The following FTO variants were observed in gnomAD, a reference collection of about 807,000 sequenced individuals.
FTO encodes the protein FTO alpha-ketoglutarate dependent dioxygenase.
In FTO, 47 loss-of-function variants were observed where a neutral mutation model predicts 63.9. The ratio of observed to expected loss-of-function variants is 0.74; its 90% CI spans 0.58 to 0.94. The LOEUF is 0.94. Ranked by LOEUF, FTO falls within the 40% of genes least tolerant of loss-of-function variation. FTO has a pLI of 0.00. For missense variants in FTO, 562 were observed against 618.1 expected (o/e 0.91, Z 0.96); for synonymous variants, 207 against 224.4 (o/e 0.92, Z 0.69).
In FTO at chr16:54,018,399, T is replaced by C. The variant is rs1765432820; in HGVS notation, c.1364+84290T>C. ...GATAGATAGATGATAGATAGATAGATAGATAGATAGATACATACATACATA... is the reference window on the plus strand; with the variant it reads ...GATAGATAGATGATAGATAGATAGACAGATAGATAGATACATACATACATA... On this transcript the variant is annotated intron_variant, in intron 8 of 8. Transcript: ENST00000471389. 3.7e-5 allele frequency among the ~76,000 whole-genome samples: 5 copies of C among 136,462 alleles called. No individual in the cohort carries two copies. In the Admixed American group the frequency reaches 4.0e-4, roughly 11 times the overall value. The allele number at this position is 136,462 out of a possible 152,430, so 89.5% of individuals were successfully genotyped here.
At chr16:54,099,910 T>C (rs1246977819) in intron 8 of FTO, among the ~76,000 whole-genome samples, 2 of 152,176 alleles carry the variant, frequency 1.3e-5, no homozygotes, top group Non-Finnish European at 2.9e-5. Flanking sequence ...GAAATGGAGC[T>C]GAATTGAATG....
chr16:54,092,600 T>C (rs926792953), intron 8 of FTO, among the ~76,000 whole-genome samples: 14 of 152,202 alleles, frequency 9.2e-5, no homozygotes, highest in Non-Finnish European at 1.8e-4. Context: ...ATCCTCACAC[T>C]GTACCCACCA....
chr16:53,767,664 T>C (rs561231386), intron 1 of FTO, among the ~76,000 whole-genome samples: 1 of 152,290 alleles, frequency 6.6e-6, no homozygotes, highest in South Asian at 2.1e-4. Flanking sequence ...TTTAATGTTA[T>C]ATCAAAGAGA....
intron 8 of FTO, among the ~76,000 whole-genome samples, chr16:53,976,132 A>G (rs1283980424): frequency 6.6e-6 from 1 of 152,168 alleles, no homozygotes; most frequent in Non-Finnish European, 1.5e-5. Context: ...AGCTATTCTA[A>G]TCAAATATAT....
chr16:53,867,739 C>A (rs1330295633), intron 4 of FTO, among the ~76,000 whole-genome samples: 1 of 152,114 alleles, frequency 6.6e-6, no homozygotes, highest in African/African-American at 2.4e-5. Flanking sequence ...CTCAGTTCAA[C>A]TATGTCCTTA....
intron 7 of FTO, among the ~76,000 whole-genome samples, chr16:53,918,309 T>TA (rs2081930722): frequency 1.3e-5 from 2 of 152,228 alleles, no homozygotes; most frequent in Admixed American, 6.5e-5. Flanking sequence ...TGGTGTAGTC[T>TA]GTTGCCCCCA....
chr16:53,908,127 A>G (rs1317396430), intron 7 of FTO, among the ~76,000 whole-genome samples: 1 of 152,236 alleles, frequency 6.6e-6, no homozygotes, highest in African/African-American at 2.4e-5. Context: ...TAGAATGTAA[A>G]TGGCCATGCA....
rs1331132574 is a variant in FTO, at chr16:54,114,344, T to TGC, written c.*2430_*2431dup. On this transcript the variant is annotated 3_prime_UTR_variant, in exon 9 of 9. Transcript: ENST00000471389. ...GCACCCCTCTAGTCGAAATATTTTG[T>TGC]GCTTACCCCAATATATGTGTGTGAC... The TGC allele has an allele frequency of 1.3e-5, 2 of 152,198 alleles. No individual in the cohort carries two copies. The highest frequency in any genetic ancestry group is 2.9e-5 in the Non-Finnish European group (2 of 68,054). The allele number at this position is 152,198 out of a possible 1,614,324, so 9.4% of individuals were successfully genotyped here.
intron 8 of FTO, among the ~76,000 whole-genome samples, chr16:53,966,860 C>G (rs538558877): frequency 5.5e-4 from 83 of 152,286 alleles, no homozygotes; most frequent in Admixed American, 1.5e-3. Flanking sequence ...AACCCTTCCC[C>G]GAAAGCCAGC....
intron 1 of FTO, among the ~76,000 whole-genome samples, chr16:53,778,051 C>T (rs1365687192): frequency 6.6e-6 from 1 of 152,102 alleles, no homozygotes; most frequent in Non-Finnish European, 1.5e-5. Context: ...AAGATAGCTA[C>T]TTAAAGCTCA....
intron 8 of FTO, among the ~76,000 whole-genome samples, chr16:54,035,106 C>A (rs2084914429): frequency 6.6e-6 from 1 of 152,220 alleles, no homozygotes; most frequent in Non-Finnish European, 1.5e-5. Context: ...CAAAGTGTGA[C>A]TGATATTCAG....
intron 8 of FTO, among the ~76,000 whole-genome samples, chr16:53,990,655 T>TATTTTATTTTATTTTATTTTA (rs2083786544): frequency 1.2e-3 from 179 of 144,636 alleles, no homozygotes; most frequent in African/African-American, 4.4e-3. Flanking sequence ...TTTCCTTTTC[T>TATTTTATTTTATTTTATTTTA]TTTTATTTTA....
At chr16:54,022,850 A>G (rs770063302) in intron 8 of FTO, among the ~76,000 whole-genome samples, 1 of 152,244 alleles carries the variant, frequency 6.6e-6, no homozygotes, top group Non-Finnish European at 1.5e-5. Context: ...GTCCAACATC[A>G]ATCTTAATAG....
At chr16:54,003,812 T>C (rs898470069) in intron 8 of FTO, among the ~76,000 whole-genome samples, 2 of 152,240 alleles carry the variant, frequency 1.3e-5, no homozygotes, top group Non-Finnish European at 2.9e-5. Flanking sequence ...TTTTACATTT[T>C]ATAGTCTTTT....
chr16:53,763,612 C>T (rs934815905), intron 1 of FTO, among the ~76,000 whole-genome samples: 15 of 152,092 alleles, frequency 9.9e-5, no homozygotes, highest in Admixed American at 9.2e-4. Flanking sequence ...TACATTGACC[C>T]TATGATTATA....
intron 1 of FTO, among the ~76,000 whole-genome samples, chr16:53,776,355 T>C (rs758821898): frequency 6.6e-6 from 1 of 152,212 alleles, no homozygotes; most frequent in Non-Finnish European, 1.5e-5. Context: ...GTAAGGCCCA[T>C]GGGCCTTAAG....
At chr16:53,974,730 A>ATGG (rs1437257204) in intron 8 of FTO, among the ~76,000 whole-genome samples, 1 of 152,196 alleles carries the variant, frequency 6.6e-6, no homozygotes, top group Non-Finnish European at 1.5e-5. Context: ...CCTGTATTGG[A>ATGG]TGGTGATAAA....
chr16:53,876,354 A>G (rs1244493412), intron 5 of FTO, among the ~76,000 whole-genome samples: 3 of 152,250 alleles, frequency 2.0e-5, no homozygotes, highest in African/African-American at 4.8e-5. Flanking sequence ...TCATCAATAT[A>G]TAGCACTTAG....
intron 3 of FTO, among the ~76,000 whole-genome samples, chr16:53,841,421 G>A (rs1436088754): frequency 2.0e-5 from 3 of 152,070 alleles, no homozygotes; most frequent in Non-Finnish European, 4.4e-5. Context: ...TATTAGAATG[G>A]CAGGTATGAA....
Sources: allele counts gnomAD v4.1 joint callset (sites outside exome capture counted in the v4.1 genomes callset), GRCh38; gene constraint gnomAD v4.1.1; transcripts MANE v1.5; gene names NCBI Gene and HGNC (gene_info 2026-07-23, HGNC 2026-07-21).